GRID2: variants seen among roughly 807,000 people sequenced by gnomAD.
GRID2 encodes glutamate receptor ionotropic, delta-2.
GRID2 carries 33 observed loss-of-function variants against 114.8 expected under a neutral mutation model. That is an observed-to-expected ratio of 0.29 (90% CI 0.22 to 0.38). The LOEUF (loss-of-function observed/expected upper bound fraction) is 0.38, where lower values mean the gene tolerates loss of function less well. Among genes scored for constraint, GRID2 ranks in the 10% least tolerant of loss-of-function variants. The pLI, the probability that GRID2 is intolerant of heterozygous loss-of-function variation, is 1.00. For synonymous variants in GRID2, 505 were observed against 449.9 expected, an observed-to-expected ratio of 1.12 and a Z score of -1.55; for missense variants, 1,184 against 1,257.7, an observed-to-expected ratio of 0.94 and a Z score of 0.89.
At chr4:92,719,469 C>T (rs1264104443) in intron 2 of GRID2, among the ~76,000 whole-genome samples, 1 of 152,144 alleles carries the variant, frequency 6.6e-6, no homozygotes, top group Non-Finnish European at 1.5e-5. Context: ...CTTTCATCCT[C>T]ATCTTTATTT....
chr4:93,137,411 C>T (rs774033818), intron 4 of GRID2, among the ~76,000 whole-genome samples: 9 of 152,086 alleles, frequency 5.9e-5, no homozygotes, highest in Non-Finnish European at 1.3e-4. Context: ...TTTTATACGA[C>T]TGCTGCTTGA....
chr4:92,701,109 G>A (rs1734656997), intron 2 of GRID2, among the ~76,000 whole-genome samples: 1 of 152,002 alleles, frequency 6.6e-6, no homozygotes, highest in South Asian at 2.1e-4. Context: ...ATTTAACCTT[G>A]GGGAGGTGAA....
intron 2 of GRID2, among the ~76,000 whole-genome samples, chr4:93,016,247 A>G (rs1716740498): frequency 6.6e-6 from 1 of 152,118 alleles, no homozygotes; most frequent in South Asian, 2.1e-4. Flanking sequence ...ATCATTAAAT[A>G]GGGAAGGATG....
intron 8 of GRID2, among the ~76,000 whole-genome samples, chr4:93,327,290 G>T (rs942765150): frequency 6.6e-6 from 1 of 152,100 alleles, no homozygotes; most frequent in Non-Finnish European, 1.5e-5. Context: ...AGACATTAAA[G>T]GTCCAAAATA....
At chr4:92,523,326 A>G (rs549482854) in intron 1 of GRID2, among the ~76,000 whole-genome samples, 1 of 152,152 alleles carries the variant, frequency 6.6e-6, no homozygotes, top group South Asian at 2.1e-4. Flanking sequence ...GAATATTCAG[A>G]TGGAGGCAAC....
At chr4:92,795,379 C>A (rs552012457) in intron 2 of GRID2, among the ~76,000 whole-genome samples, 13 of 151,846 alleles carry the variant, frequency 8.6e-5, no homozygotes, top group South Asian at 6.2e-4. Flanking sequence ...CTGTTGCCAC[C>A]ACCATGTAAG....
At chr4:92,966,283 T>A (rs1753151363) in intron 2 of GRID2, among the ~76,000 whole-genome samples, 1 of 151,822 alleles carries the variant, frequency 6.6e-6, no homozygotes, top group Non-Finnish European at 1.5e-5. Flanking sequence ...TTATAAGGTA[T>A]AAAAGTGGTA....
chr4:93,636,939 C>A (rs1246480445), intron 14 of GRID2, among the ~76,000 whole-genome samples: 2 of 152,146 alleles, frequency 1.3e-5, no homozygotes, highest in East Asian at 3.9e-4. Context: ...TCTGCCAGTT[C>A]CTTTTGTTTA....
intron 2 of GRID2, among the ~76,000 whole-genome samples, chr4:93,023,664 A>G (rs753315104): frequency 2.0e-5 from 3 of 151,928 alleles, no homozygotes; most frequent in Non-Finnish European, 4.4e-5. Flanking sequence ...GGGCTAAGAC[A>G]TATATATCAC....
Position 93,626,284 on chromosome 4 carries a change from T to C in GRID2, c.2209T>C (p.Tyr737His). Residue 737 changes from tyrosine to histidine, a missense_variant, in exon 14 of 16, where the codon TAT becomes CAT. Tyr to His is a moderately conservative substitution (Grantham distance 83). Around this residue, in one of 3 missense-constraint regions of GRID2, gnomAD observed 717 missense variants for 796.9 expected, o/e 0.90. Transcript: ENST00000282020. ...TTTTTCACAGGTAAAATATGGAAATTATGCTTTCGTATGGGATGCAGCTGT... is the reference window on the plus strand; with the variant it reads ...TTTTTCACAGGTAAAATATGGAAATCATGCTTTCGTATGGGATGCAGCTGT... Reference protein sequence around the residue: ...AGIQKVKYGNYAFVWDAAVLE... With the variant: ...AGIQKVKYGNHAFVWDAAVLE... The C allele has an allele frequency of 6.3e-7, 1 of 1,592,956 alleles. No individual in the cohort carries two copies. The highest frequency in any genetic ancestry group is 8.6e-7 in the Non-Finnish European group (1 of 1,166,376).
intron 1 of GRID2, among the ~76,000 whole-genome samples, chr4:92,476,058 C>CAG: frequency 7.0e-6 from 1 of 142,668 alleles, no homozygotes; most frequent in South Asian, 2.3e-4. Flanking sequence ...GAGTCTCTAC[C>CAG]TCTGTCTCCC....
At chr4:92,924,755 A>G (rs1346056032) in intron 2 of GRID2, among the ~76,000 whole-genome samples, 1 of 152,082 alleles carries the variant, frequency 6.6e-6, no homozygotes, top group Non-Finnish European at 1.5e-5. Flanking sequence ...TCATTCATTT[A>G]CCTTCCTTGT....
At chr4:93,511,438 T>A (rs564627710) in intron 12 of GRID2, among the ~76,000 whole-genome samples, 1 of 152,282 alleles carries the variant, frequency 6.6e-6, no homozygotes, top group East Asian at 1.9e-4. Context: ...ACCCACAGGT[T>A]GATGCTAGTC....
intron 4 of GRID2, among the ~76,000 whole-genome samples, chr4:93,116,839 GA>G (rs1733314714): frequency 6.6e-6 from 1 of 151,856 alleles, no homozygotes; most frequent in Admixed American, 6.6e-5. Flanking sequence ...CAAGTTCAAT[GA>G]TAATGAATCA....
intron 1 of GRID2, among the ~76,000 whole-genome samples, chr4:92,324,364 A>G (rs567145744): frequency 1.2e-4 from 18 of 152,066 alleles, no homozygotes; most frequent in Non-Finnish European, 2.1e-4. Flanking sequence ...TCCCAGATTA[A>G]CTAAAATTAA....
At chr4:92,398,941 TCA>T (rs1730641924) in intron 1 of GRID2, among the ~76,000 whole-genome samples, 2 of 152,200 alleles carry the variant, frequency 1.3e-5, no homozygotes, top group Admixed American at 1.3e-4. Flanking sequence ...TCAGATAGTC[TCA>T]TAAAGTCCGT....
At chr4:93,213,981 AG>A (rs1451133273) in intron 5 of GRID2, among the ~76,000 whole-genome samples, 1 of 152,086 alleles carries the variant, frequency 6.6e-6, no homozygotes, top group Non-Finnish European at 1.5e-5. Context: ...AAAATAGAAA[AG>A]TTAAGTCGCT....
chr4:93,072,033 A>C (rs1728853393), intron 2 of GRID2, among the ~76,000 whole-genome samples: 1 of 152,146 alleles, frequency 6.6e-6, no homozygotes, highest in Non-Finnish European at 1.5e-5. Context: ...AATCCAGAAG[A>C]CTGACACATA....
intron 13 of GRID2, among the ~76,000 whole-genome samples, chr4:93,588,718 C>G (rs13115152): frequency 6.6e-6 from 1 of 152,040 alleles, no homozygotes; most frequent in Non-Finnish European, 1.5e-5. Context: ...TGAGCCCTGC[C>G]CCTTCTCCCA....
Sources: gnomAD v4.1 joint callset for allele counts (sites outside exome capture counted in the v4.1 genomes callset) on GRCh38, gnomAD v4.1.1 for gene constraint, gnomAD v4.1.1 regional missense constraint, MANE v1.5 for transcripts, NCBI Gene and HGNC (gene_info 2026-07-23, HGNC 2026-07-21) for gene names.